KSR2: variants seen among roughly 807,000 people sequenced by gnomAD.
KSR2 encodes the protein kinase suppressor of ras 2.
In KSR2, 25 loss-of-function variants were observed where a neutral mutation model predicts 107.8. That is an observed-to-expected ratio of 0.23 (90% CI 0.17 to 0.32). The LOEUF (loss-of-function observed/expected upper bound fraction) is 0.32, where lower values mean the gene tolerates loss of function less well. Ranked by LOEUF, KSR2 falls within the 10% of genes least tolerant of loss-of-function variation. KSR2 has a pLI of 1.00. For synonymous variants in KSR2, 480 were observed against 507.0 expected, an observed-to-expected ratio of 0.95 and a Z score of 0.71; for missense variants, 887 against 1,268.9, an observed-to-expected ratio of 0.70 and a Z score of 4.57.
At chr12:117,659,943 G>T (rs1304527741) in intron 5 of KSR2, among the ~76,000 whole-genome samples, 1 of 152,206 alleles carries the variant, frequency 6.6e-6, no homozygotes, top group Non-Finnish European at 1.5e-5. Flanking sequence ...GCACAGTGCT[G>T]GGCCCACATC....
intron 5 of KSR2, among the ~76,000 whole-genome samples, chr12:117,605,324 G>A (rs1485032142): frequency 1.3e-5 from 2 of 152,184 alleles, no homozygotes; most frequent in Non-Finnish European, 2.9e-5. Context: ...CAAAGACCAC[G>A]AATGTCCAAC....
At position 117,495,298 on chromosome 12, in the gene KSR2, G is replaced by A. The variant is rs929550050; in HGVS notation, c.2220-9607C>T. On this transcript the variant is annotated intron_variant, in intron 14 of 19. Transcript: ENST00000339824. ...CACACTCCATCAAATTCCAGCCTCC[G>A]GCAATCTCTAACTTCCAAGTTGCTC... Among the ~76,000 whole-genome samples the A allele has an allele frequency of 2.0e-5, 3 of 152,106 alleles. No homozygotes were observed. In the East Asian group the frequency reaches 5.8e-4, roughly 29 times the overall value.
At chr12:117,723,903 T>C (rs1181198774) in intron 4 of KSR2, among the ~76,000 whole-genome samples, 1 of 152,160 alleles carries the variant, frequency 6.6e-6, no homozygotes, top group African/African-American at 2.4e-5. Context: ...ATCAAGAAAA[T>C]CTCACATTTT....
At chr12:117,856,790 G>A (rs576991483) in intron 2 of KSR2, among the ~76,000 whole-genome samples, 11 of 152,210 alleles carry the variant, frequency 7.2e-5, no homozygotes, top group Admixed American at 1.3e-4. Context: ...GCAGTATTGC[G>A]GAATACATCT....
At chr12:117,877,779 A>G (rs1893906843) in intron 1 of KSR2, among the ~76,000 whole-genome samples, 1 of 152,152 alleles carries the variant, frequency 6.6e-6, no homozygotes, top group African/African-American at 2.4e-5. Flanking sequence ...CTTTGTAGCA[A>G]GATCACCTGG....
intron 4 of KSR2, among the ~76,000 whole-genome samples, chr12:117,731,855 T>C (rs1486378868): frequency 1.4e-5 from 2 of 143,578 alleles, no homozygotes; most frequent in Non-Finnish European, 1.6e-5. Context: ...TTAAGAGTCA[T>C]CACCAATCCC....
intron 4 of KSR2, among the ~76,000 whole-genome samples, chr12:117,690,521 C>A (rs377699490): frequency 6.6e-6 from 1 of 152,022 alleles, no homozygotes; most frequent in African/African-American, 2.4e-5. Context: ...GCCGAGATCA[C>A]ACCATTGCAC....
intron 1 of KSR2, among the ~76,000 whole-genome samples, chr12:117,947,192 AAAGAAAAGAAAGAAAAGAAAG>A (rs1896210377): frequency 3.2e-5 from 3 of 94,820 alleles, no homozygotes; most frequent in Admixed American, 1.2e-4. Flanking sequence ...GAAAGAAAAG[AAAGAAAAGAAAGAAAAGAAAG>A]AAAGAAAGAA....
intron 10 of KSR2, among the ~76,000 whole-genome samples, chr12:117,539,186 A>G (rs1876276680): frequency 6.6e-6 from 1 of 152,220 alleles, no homozygotes; most frequent in African/African-American, 2.4e-5. Flanking sequence ...GCAAGAATGC[A>G]ATAGACCTGG....
At chr12:117,634,459 T>C (rs1882959577) in intron 5 of KSR2, among the ~76,000 whole-genome samples, 1 of 152,006 alleles carries the variant, frequency 6.6e-6, no homozygotes, top group Non-Finnish European at 1.5e-5. Flanking sequence ...ATGAATTCAG[T>C]CAGTTGCCAG....
In KSR2 at chr12:117,761,254, AG is replaced by A; in HGVS notation, c.742del (p.Leu248CysfsTer24). On this transcript the variant is annotated frameshift_variant, in exon 4 of 20. Transcript: ENST00000339824. LOFTEE classifies it high-confidence loss of function. ...PPPLESGHRS[L>X]PPSPRQRHAV... The stretch of plus-strand genomic sequence containing the variant: ...GTGCCGCTGCCGGGGCGATGGGGGC[AG>A]GGAACGGTGGCCCGACTCCAGTGGC... 1 of 1,535,588 alleles carries A rather than the reference AG, an allele frequency of 6.5e-7. No individual in the cohort carries two copies.
chr12:117,758,125 C>T (rs1888862085), intron 4 of KSR2, among the ~76,000 whole-genome samples: 1 of 152,174 alleles, frequency 6.6e-6, no homozygotes, highest in Non-Finnish European at 1.5e-5. Context: ...CTTGGGTCCA[C>T]AGCTGAGAAA....
intron 4 of KSR2, among the ~76,000 whole-genome samples, chr12:117,670,288 G>T (rs1884851088): frequency 1.3e-5 from 2 of 152,198 alleles, no homozygotes; most frequent in South Asian, 4.1e-4. Flanking sequence ...TGCCAACCAT[G>T]TCCTAGGGAC....
intron 3 of KSR2, among the ~76,000 whole-genome samples, chr12:117,803,585 C>A (rs1027219886): frequency 6.6e-6 from 1 of 152,120 alleles, no homozygotes; most frequent in African/African-American, 2.4e-5. Context: ...AGCCTGTAGT[C>A]CCAGCTACTC....
intron 1 of KSR2, among the ~76,000 whole-genome samples, chr12:117,950,298 A>G (rs1268449260): frequency 6.6e-6 from 1 of 152,178 alleles, no homozygotes; most frequent in Non-Finnish European, 1.5e-5. Flanking sequence ...AATACATTAA[A>G]CAATAAGATA....
intron 12 of KSR2, among the ~76,000 whole-genome samples, chr12:117,529,400 T>C (rs563579866): frequency 8.5e-5 from 13 of 152,180 alleles, no homozygotes; most frequent in African/African-American, 2.9e-4. Flanking sequence ...ATTTTTAATA[T>C]AGACGGGGTT....
chr12:117,867,095 C>T (rs562663549), intron 1 of KSR2, among the ~76,000 whole-genome samples: 10 of 151,974 alleles, frequency 6.6e-5, no homozygotes, highest in East Asian at 3.9e-4. Context: ...GTGGGAGGAT[C>T]GCTTGAGCTC....
intron 14 of KSR2, among the ~76,000 whole-genome samples, chr12:117,513,938 GA>G (rs1874197979): frequency 6.6e-6 from 1 of 152,160 alleles, no homozygotes; most frequent in Non-Finnish European, 1.5e-5. Flanking sequence ...TACAGACAAG[GA>G]AATGGATTGC....
chr12:117,716,343 A>T (rs969301509), intron 4 of KSR2, among the ~76,000 whole-genome samples: 5 of 152,210 alleles, frequency 3.3e-5, no homozygotes, highest in Non-Finnish European at 7.3e-5. Flanking sequence ...CACAGCCTAG[A>T]CTATGCCACC....
Sources: allele counts gnomAD v4.1 joint callset (sites outside exome capture counted in the v4.1 genomes callset), GRCh38; gene constraint gnomAD v4.1.1; transcripts MANE v1.5; gene names NCBI Gene and HGNC (gene_info 2026-07-23, HGNC 2026-07-21).